The following PARD3B variants were observed in gnomAD, a reference collection of about 807,000 sequenced individuals.
The protein encoded by PARD3B is partitioning defective 3 homolog B.
Under a neutral mutation model 130.2 loss-of-function variants are expected in PARD3B, and 103 were observed. That is an observed-to-expected ratio of 0.79 (90% CI 0.67 to 0.93). PARD3B has a LOEUF of 0.93. Among genes scored for constraint, PARD3B ranks in the 40% least tolerant of loss-of-function variants. PARD3B has a pLI of 0.00. For synonymous variants in PARD3B, 583 were observed against 553.2 expected (o/e 1.05, Z -0.76); for missense variants, 1,609 against 1,499.2 (o/e 1.07, Z -1.21).
intron 15 of PARD3B, among the ~76,000 whole-genome samples, chr2:205,232,435 T>TA: frequency 6.6e-6 from 1 of 152,096 alleles, no homozygotes; most frequent in East Asian, 1.9e-4. Flanking sequence ...ATCTTATCTG[T>TA]AAAAAAGTTT....
intron 3 of PARD3B, among the ~76,000 whole-genome samples, chr2:205,012,867 A>G (rs531316525): frequency 2.8e-4 from 42 of 152,348 alleles, no homozygotes; most frequent in Admixed American, 9.2e-4. Context: ...GTAATTTATT[A>G]TACTGCGAGA....
intron 2 of PARD3B, among the ~76,000 whole-genome samples, chr2:204,959,890 A>G (rs1409102344): frequency 2.0e-5 from 3 of 152,296 alleles, no homozygotes; most frequent in East Asian, 1.9e-4. Context: ...ACGTTAATGT[A>G]TTTATTTCCA....
chr2:204,825,972 C>T (rs926502107), intron 2 of PARD3B, among the ~76,000 whole-genome samples: 1 of 152,166 alleles, frequency 6.6e-6, no homozygotes, highest in Non-Finnish European at 1.5e-5. Flanking sequence ...ATCCTAAAGG[C>T]TCAACCTCCT....
chr2:204,580,015 C>T (rs1205571723), intron 1 of PARD3B, among the ~76,000 whole-genome samples: 1 of 152,184 alleles, frequency 6.6e-6, no homozygotes, highest in Non-Finnish European at 1.5e-5. Context: ...ATTTGACCTA[C>T]TGTTCAAAAA....
At chr2:205,368,098 C>A (rs557633991) in intron 18 of PARD3B, among the ~76,000 whole-genome samples, 44 of 152,144 alleles carry the variant, frequency 2.9e-4, no homozygotes, top group Non-Finnish European at 1.3e-4. Context: ...TATTAAAATT[C>A]AAAAGTTTGA....
At chr2:205,543,434 A>T (rs1283041875) in intron 21 of PARD3B, among the ~76,000 whole-genome samples, 1 of 152,244 alleles carries the variant, frequency 6.6e-6, no homozygotes, top group Non-Finnish European at 1.5e-5. Context: ...ATACTTGCAG[A>T]CAGTCACAGA....
chr2:204,797,159 A>G (rs939962882), intron 2 of PARD3B, among the ~76,000 whole-genome samples: 1 of 142,456 alleles, frequency 7.0e-6, no homozygotes, highest in African/African-American at 2.7e-5. Context: ...TGAGAGACAG[A>G]GCGAGACTCT....
intron 4 of PARD3B, among the ~76,000 whole-genome samples, chr2:205,063,991 A>G (rs1360676057): frequency 1.3e-5 from 2 of 152,164 alleles, no homozygotes; most frequent in Admixed American, 6.6e-5. Flanking sequence ...ACCAGTTTCT[A>G]TAAAGGGAAG....
At chr2:205,347,041 A>G (rs1213010184) in intron 18 of PARD3B, among the ~76,000 whole-genome samples, 1 of 152,120 alleles carries the variant, frequency 6.6e-6, no homozygotes, top group African/African-American at 2.4e-5. Flanking sequence ...CCTTCCACTT[A>G]TTTCCATTAA....
intron 2 of PARD3B, among the ~76,000 whole-genome samples, chr2:204,744,428 T>C (rs1459664448): frequency 6.6e-6 from 1 of 152,204 alleles, no homozygotes; most frequent in Admixed American, 6.5e-5. Context: ...ATTTTTCTAA[T>C]TCTTAGGTGC....
chr2:204,998,400 A>G (rs1694491482), intron 3 of PARD3B, among the ~76,000 whole-genome samples: 1 of 70,302 alleles, frequency 1.4e-5, no homozygotes, highest in African/African-American at 5.7e-5. Context: ...ATATATGTAT[A>G]TATGTGTATA....
Position 205,124,471 on chromosome 2 carries a change from G to C in PARD3B, c.1305+5G>C, listed in dbSNP as rs761134687. ...TCAGGGGACAGAATTTTGGAGGTAAGAATTGGAATTAATAGTTGTATGAAA... is the reference window on the plus strand; with the variant it reads ...TCAGGGGACAGAATTTTGGAGGTAACAATTGGAATTAATAGTTGTATGAAA... On this transcript the variant is annotated splice_donor_5th_base_variant and intron_variant, in intron 9 of 22. Coordinates refer to ENST00000406610, the MANE Select transcript of PARD3B (RefSeq NM_001302769.2). 10 of 1,575,982 alleles carry C rather than the reference G, an allele frequency of 6.3e-6. No individual in the cohort carries two copies. The highest frequency in any genetic ancestry group is 3.4e-4 in the Middle Eastern group (2 of 5,940).
At position 205,302,065 on chromosome 2, in the gene PARD3B, C is replaced by CTTTTTTTTTTTTTTTTTTTTTTTTTTTTT. The variant is rs3048088; in HGVS notation, c.2630+387_2630+388insTTTTTTTTTTTTTTTTTTTTTTTTTTTTT. On this transcript the variant is annotated intron_variant, in intron 18 of 22. Transcript: ENST00000406610. ...CTATTCTTTTTTTCTTTTTTCTTTT[C>CTTTTTTTTTTTTTTTTTTTTTTTTTTTTT]TTTTTTTTTTTTTTTTTTTTTTTGA... is the stretch of plus-strand genomic sequence containing the variant. 1.3e-3 allele frequency among the ~76,000 whole-genome samples: 103 copies of CTTTTTTTTTTTTTTTTTTTTTTTTTTTTT among 77,760 alleles called. 5 individuals carry two copies. Among genetic ancestry groups the CTTTTTTTTTTTTTTTTTTTTTTTTTTTTT allele is most frequent in the East Asian group, 2.0e-3 (5 of 2,534 alleles). The allele number at this position is 77,760 out of a possible 152,430, so 51.0% of individuals were successfully genotyped here.
rs1220912183 is a variant in PARD3B, at chr2:205,397,742, C to G, written c.2631-3271C>G. On this transcript the variant is annotated intron_variant, in intron 18 of 22. Transcript: ENST00000406610. The surrounding 1 kb of genome is among the most constrained non-coding windows in gnomAD (Gnocchi z 4.8). ...TCCTAAAGCATTATTTCTACCCTGA[C>G]TCCCCACCGTGTTGAATATTTTGCC... 6.6e-6 allele frequency among the ~76,000 whole-genome samples: 1 copy of G among 152,170 alleles called. No homozygotes were observed. The highest frequency in any genetic ancestry group is 2.4e-5 in the African/African-American group (1 of 41,428).
intron 3 of PARD3B, among the ~76,000 whole-genome samples, chr2:204,990,803 TAGAG>T (rs1453912048): frequency 6.6e-6 from 1 of 152,208 alleles, no homozygotes; most frequent in African/African-American, 2.4e-5. Context: ...CCTAAAGCCA[TAGAG>T]AGACTCTTCT....
At chr2:204,718,615 T>G (rs1221290074) in intron 2 of PARD3B, among the ~76,000 whole-genome samples, 1 of 152,194 alleles carries the variant, frequency 6.6e-6, no homozygotes. Flanking sequence ...AGCCAAACCA[T>G]GTCACTGACT....
intron 1 of PARD3B, among the ~76,000 whole-genome samples, chr2:204,661,399 G>A (rs1032664556): frequency 6.6e-6 from 1 of 152,068 alleles, no homozygotes; most frequent in African/African-American, 2.4e-5. Context: ...AGGCCTTGGA[G>A]TCCCCGAGAT....
chr2:205,267,846 G>A (rs2040570771), intron 16 of PARD3B, among the ~76,000 whole-genome samples: 1 of 152,140 alleles, frequency 6.6e-6, no homozygotes, highest in African/African-American at 2.4e-5. Flanking sequence ...TCAGTCTGAT[G>A]TTTGGTTTTA....
At chr2:204,863,276 A>G (rs369286128) in intron 2 of PARD3B, among the ~76,000 whole-genome samples, 1 of 152,134 alleles carries the variant, frequency 6.6e-6, no homozygotes, top group South Asian at 2.1e-4. Context: ...GAATTAATGC[A>G]GATACCTCTT....
Sources: gnomAD v4.1 joint callset for allele counts (sites outside exome capture counted in the v4.1 genomes callset) on GRCh38, gnomAD v4.1.1 for gene constraint, Gnocchi (gnomAD v3.1) non-coding constraint, MANE v1.5 for transcripts, NCBI Gene and HGNC (gene_info 2026-07-23, HGNC 2026-07-21) for gene names.